CRPPA: variants seen among roughly 807,000 people sequenced by gnomAD.
CRPPA encodes CDP-L-ribitol pyrophosphorylase A, also known as D-ribitol-5-phosphate cytidylyltransferase.
In CRPPA, 43 loss-of-function variants were observed where a neutral mutation model predicts 52.0. The observed-to-expected ratio is 0.83, with a 90% confidence interval of 0.65 to 1.07. The LOEUF (loss-of-function observed/expected upper bound fraction) is 1.07, where lower values mean the gene tolerates loss of function less well. Ranked by LOEUF, CRPPA falls within the 50% of genes least tolerant of loss-of-function variation. The pLI is 0.00. For synonymous variants in CRPPA, 250 were observed against 203.5 expected, an observed-to-expected ratio of 1.23 and a Z score of -1.94; for missense variants, 629 against 551.7, an observed-to-expected ratio of 1.14 and a Z score of -1.40.
intron 2 of CRPPA, among the ~76,000 whole-genome samples, chr7:16,397,124 TGAC>T (rs1787606082): frequency 1.3e-5 from 2 of 152,198 alleles, no homozygotes; most frequent in African/African-American, 4.8e-5. Context: ...GACACACAAC[TGAC>T]AAGTTAGAGA....
intron 9 of CRPPA, among the ~76,000 whole-genome samples, chr7:16,135,592 T>C (rs1287887556): frequency 6.6e-6 from 1 of 152,022 alleles, no homozygotes; most frequent in Non-Finnish European, 1.5e-5. Flanking sequence ...TCTTTTCCCT[T>C]AAAAAAGAAA....
intron 9 of CRPPA, among the ~76,000 whole-genome samples, chr7:16,157,275 A>T (rs1236916721): frequency 6.6e-6 from 1 of 152,004 alleles, no homozygotes; most frequent in Non-Finnish European, 1.5e-5. Context: ...GAGGAAGATA[A>T]GCAACTGGAG....
chr7:16,197,895 G>A (rs1781772666), intron 9 of CRPPA, among the ~76,000 whole-genome samples: 1 of 149,768 alleles, frequency 6.7e-6, no homozygotes, highest in Admixed American at 6.6e-5. Flanking sequence ...TGTCAACTCA[G>A]AGTTAAATGG....
At chr7:16,263,842 A>G (rs953581565) in intron 6 of CRPPA, among the ~76,000 whole-genome samples, 4 of 152,178 alleles carry the variant, frequency 2.6e-5, no homozygotes, top group African/African-American at 9.6e-5. Flanking sequence ...ATTAAAATAT[A>G]TTTGTTCAGT....
intron 9 of CRPPA, among the ~76,000 whole-genome samples, chr7:16,213,745 G>C (rs1335295455): frequency 7.3e-6 from 1 of 136,164 alleles, no homozygotes; most frequent in Non-Finnish European, 1.6e-5. Context: ...GAAAAACTTC[G>C]GCTCAAAAAA....
At chr7:16,348,838 A>T (rs779873950) in intron 3 of CRPPA, among the ~76,000 whole-genome samples, 2 of 152,160 alleles carry the variant, frequency 1.3e-5, no homozygotes, top group Non-Finnish European at 2.9e-5. Context: ...CTTAGAGTTT[A>T]TCCATGCACC....
intron 9 of CRPPA, among the ~76,000 whole-genome samples, chr7:16,128,706 A>T (rs1007434279): frequency 6.6e-6 from 1 of 152,180 alleles, no homozygotes; most frequent in Non-Finnish European, 1.5e-5. Flanking sequence ...CAGATGGAAA[A>T]ATTTGTCCCT....
At position 16,288,853 on chromosome 7, in the gene CRPPA, A is replaced by AAG. The variant is rs1159409108; in HGVS notation, c.836-10628_836-10627insCT. ...GGAGTGAGACTCTGCCTCAAAAAAA[A>AAG]AAAAAAAAAAAAAAAATCCCCAAAA... On this transcript the variant is annotated intron_variant, in intron 5 of 9. Coordinates refer to ENST00000407010, the MANE Select transcript of CRPPA (RefSeq NM_001101426.4). 1.2e-3 allele frequency among the ~76,000 whole-genome samples: 179 copies of AAG among 149,248 alleles called. 1 individual carries two copies. The highest frequency in any genetic ancestry group is 4.1e-3 in the African/African-American group (170 of 40,970).
intron 9 of CRPPA, among the ~76,000 whole-genome samples, chr7:16,127,666 C>A (rs1203631986): frequency 6.6e-6 from 1 of 152,004 alleles, no homozygotes; most frequent in Non-Finnish European, 1.5e-5. Flanking sequence ...ATAAAATAGT[C>A]ATAATGAAGT....
At position 16,344,895 on chromosome 7, in the gene CRPPA, G is replaced by T. The variant is rs185066744; in HGVS notation, c.684+31197C>A. 2.2e-3 allele frequency among the ~76,000 whole-genome samples: 334 copies of T among 151,614 alleles called. 1 individual carries two copies. The highest frequency in any genetic ancestry group is 4.1e-3 in the Non-Finnish European group (275 of 67,898). On this transcript the variant is annotated intron_variant, in intron 3 of 9. Coordinates refer to ENST00000407010, the MANE Select transcript of CRPPA (RefSeq NM_001101426.4). Reference sequence around the variant, plus strand: ...GCATGCCAAAATAATCATAATGGGAGAACCACCCAGAAGGACAGGACAGAG... The same window carrying T: ...GCATGCCAAAATAATCATAATGGGATAACCACCCAGAAGGACAGGACAGAG...
At chr7:16,169,732 C>T (rs542583313) in intron 9 of CRPPA, among the ~76,000 whole-genome samples, 8 of 152,146 alleles carry the variant, frequency 5.3e-5, no homozygotes, top group African/African-American at 1.4e-4. Context: ...CCTCTCTCAT[C>T]GACTATATCA....
At chr7:16,160,704 G>C (rs1783285228) in intron 9 of CRPPA, among the ~76,000 whole-genome samples, 1 of 152,200 alleles carries the variant, frequency 6.6e-6, no homozygotes. Flanking sequence ...TGTGAAGAAA[G>C]TCAGTGGTAG....
Position 16,215,968 on chromosome 7 carries a change from C to A in CRPPA, c.1251+98G>T. On this transcript the variant is annotated intron_variant, in intron 9 of 9. Coordinates refer to ENST00000407010, the MANE Select transcript of CRPPA (RefSeq NM_001101426.4). ...ATGAGTAACTTTCCAGCTGTAATTTCACTTATCAATAATATCCTCCTGCTT... is the reference window on the plus strand; with the variant it reads ...ATGAGTAACTTTCCAGCTGTAATTTAACTTATCAATAATATCCTCCTGCTT... 4.2e-6 allele frequency: 4 copies of A among 959,674 alleles called. No individual in the cohort carries two copies. In the South Asian group the frequency reaches 5.7e-5, roughly 14 times the overall value. 59.4% of individuals were successfully genotyped at this position (959,674 alleles called of 1,614,324 possible). A position where few individuals can be genotyped will look rare whatever the true frequency, so the allele number is the denominator to read the frequency against.
chr7:16,273,502 C>T (rs10255559), intron 6 of CRPPA, among the ~76,000 whole-genome samples: 7 of 151,970 alleles, frequency 4.6e-5, no homozygotes, highest in African/African-American at 1.7e-4. Flanking sequence ...AAGAGGTCAG[C>T]AGGGGATAGC....
At chr7:16,320,311 G>C (rs1017345516) in intron 3 of CRPPA, among the ~76,000 whole-genome samples, 6 of 152,098 alleles carry the variant, frequency 3.9e-5, no homozygotes, top group Non-Finnish European at 7.4e-5. Context: ...CAATGTATGA[G>C]AATATGGCAG....
intron 3 of CRPPA, among the ~76,000 whole-genome samples, chr7:16,349,405 A>G (rs563434097): frequency 6.6e-6 from 1 of 152,298 alleles, no homozygotes; most frequent in East Asian, 1.9e-4. Flanking sequence ...GAAAATGAAA[A>G]AGCAGAAATA....
intron 5 of CRPPA, among the ~76,000 whole-genome samples, chr7:16,298,750 A>G (rs540448771): frequency 1.3e-5 from 2 of 152,312 alleles, no homozygotes; most frequent in South Asian, 2.1e-4. Flanking sequence ...ACAGATTAAC[A>G]TTTCCATTGG....
intron 6 of CRPPA, among the ~76,000 whole-genome samples, chr7:16,266,769 G>A (rs950723251): frequency 2.0e-5 from 3 of 152,138 alleles, no homozygotes; most frequent in Non-Finnish European, 4.4e-5. Flanking sequence ...ACGAGCCACC[G>A]TGCCCAGCCC....
chr7:16,098,341 G>C (rs1483693181), intron 9 of CRPPA, among the ~76,000 whole-genome samples: 1 of 152,158 alleles, frequency 6.6e-6, no homozygotes, highest in African/African-American at 2.4e-5. Flanking sequence ...TTAGGCTTTA[G>C]ATGTCTCAAG....
Sources: gnomAD v4.1 joint callset for allele counts (sites outside exome capture counted in the v4.1 genomes callset) on GRCh38, gnomAD v4.1.1 for gene constraint, MANE v1.5 for transcripts, NCBI Gene and HGNC (gene_info 2026-07-23, HGNC 2026-07-21) for gene names.